Variants in MTUS2 observed in about 807,000 individuals in gnomAD.
MTUS2 encodes the protein microtubule-associated tumor suppressor candidate 2.
MTUS2 carries 40 observed loss-of-function variants against 114.1 expected under a neutral mutation model. The observed-to-expected ratio is 0.35, with a 90% confidence interval of 0.27 to 0.46. The LOEUF is 0.46. Ranked by LOEUF, MTUS2 falls within the 20% of genes least tolerant of loss-of-function variation. The pLI is 1.00. For missense variants in MTUS2, 1,679 were observed against 1,705.4 expected (o/e 0.98, Z 0.27); for synonymous variants, 688 against 672.0 (o/e 1.02, Z -0.37).
At chr13:29,098,354 A>G (rs1461699649) in intron 4 of MTUS2, among the ~76,000 whole-genome samples, 4 of 152,204 alleles carry the variant, frequency 2.6e-5, no homozygotes, top group South Asian at 2.1e-4. Flanking sequence ...AGACCATTAT[A>G]TAGTAACTTA....
At chr13:28,874,276 A>G (rs1442229108) in intron 2 of MTUS2, among the ~76,000 whole-genome samples, 2 of 152,214 alleles carry the variant, frequency 1.3e-5, no homozygotes, top group Non-Finnish European at 2.9e-5. Flanking sequence ...GCAGGATTAC[A>G]GGCATGAACC....
chr13:28,845,423 T>G (rs931592266), intron 2 of MTUS2, among the ~76,000 whole-genome samples: 6 of 152,104 alleles, frequency 3.9e-5, no homozygotes, highest in African/African-American at 1.2e-4. Flanking sequence ...TGAAGCCATT[T>G]GAAGCTTGTG....
intron 1 of MTUS2, among the ~76,000 whole-genome samples, chr13:28,824,119 G>A (rs1274503119): frequency 6.6e-6 from 1 of 152,200 alleles, no homozygotes; most frequent in Admixed American, 6.5e-5. Flanking sequence ...GGATCACCCA[G>A]CCTCACTTGC....
At chr13:29,273,440 A>G (rs980982444) in intron 5 of MTUS2, among the ~76,000 whole-genome samples, 1 of 152,188 alleles carries the variant, frequency 6.6e-6, no homozygotes, top group Non-Finnish European at 1.5e-5. Flanking sequence ...CTTCACCAGA[A>G]AAGAACACTA....
At chr13:29,087,833 C>A (rs753833328) in intron 4 of MTUS2, among the ~76,000 whole-genome samples, 2 of 152,038 alleles carry the variant, frequency 1.3e-5, no homozygotes, top group African/African-American at 4.8e-5. Flanking sequence ...CTGAGGCAGG[C>A]GGATCACAAG....
chr13:29,249,705 G>A (rs1412110280), intron 5 of MTUS2, among the ~76,000 whole-genome samples: 2 of 152,030 alleles, frequency 1.3e-5, no homozygotes, highest in African/African-American at 4.8e-5. Flanking sequence ...CAGAATATTA[G>A]ACCTTTGTCA....
At chr13:29,003,524 G>C (rs1403275960) in intron 2 of MTUS2, among the ~76,000 whole-genome samples, 1 of 152,166 alleles carries the variant, frequency 6.6e-6, no homozygotes, top group Admixed American at 6.5e-5. Context: ...TTCAAGTCCT[G>C]GTCTGGGCCA....
rs1593394444 is a variant in MTUS2 at position 29,025,795 on chromosome 13, G to A, written c.1097G>A (p.Ser366Asn). 1 of 1,614,022 alleles carries A rather than the reference G, an allele frequency of 6.2e-7. No homozygotes were observed. The highest frequency in any genetic ancestry group is 2.2e-5 in the East Asian group (1 of 44,882). Residue 366 changes from serine to asparagine, a missense_variant, in exon 3 of 16, where the codon AGT becomes AAT. By Grantham distance (46) the Ser-to-Asn change is conservative. Around this residue, in one of 3 missense-constraint regions of MTUS2, gnomAD observed 843 missense variants for 770.8 expected, o/e 1.09. Coordinates refer to ENST00000612955, the MANE Select transcript of MTUS2 (RefSeq NM_001033602.4). ...ATDALGHLLNSDLHHLGVGRG... is the reference protein window; with the variant it reads ...ATDALGHLLNNDLHHLGVGRG... ...GATGCACTTGGCCATCTGCTGAACA[G>A]TGACCTCCACCACCTTGGGGTGGGA... is the stretch of plus-strand genomic sequence containing the variant.
chr13:29,180,023 A>T (rs1893932151), intron 5 of MTUS2, among the ~76,000 whole-genome samples: 1 of 152,246 alleles, frequency 6.6e-6, no homozygotes, highest in Non-Finnish European at 1.5e-5. Context: ...AAGCTTTCTC[A>T]CTGCTAAATT....
At chr13:29,078,229 G>T (rs1039781644) in intron 4 of MTUS2, among the ~76,000 whole-genome samples, 1 of 152,060 alleles carries the variant, frequency 6.6e-6, no homozygotes, top group Non-Finnish European at 1.5e-5. Flanking sequence ...TTAGCTTCTG[G>T]ATTTATTTAA....
intron 2 of MTUS2, among the ~76,000 whole-genome samples, chr13:28,922,111 C>G (rs1289280077): frequency 1.3e-5 from 2 of 152,144 alleles, no homozygotes; most frequent in Non-Finnish European, 2.9e-5. Context: ...CTCATGAGAT[C>G]TGGTTGTTTA....
At chr13:29,009,993 C>G (rs1885766842) in intron 2 of MTUS2, among the ~76,000 whole-genome samples, 1 of 152,018 alleles carries the variant, frequency 6.6e-6, no homozygotes. Context: ...GGACAGATCA[C>G]AAAGTCAGGA....
chr13:29,193,192 C>G (rs1490631224), intron 5 of MTUS2, among the ~76,000 whole-genome samples: 1 of 152,096 alleles, frequency 6.6e-6, no homozygotes, highest in Non-Finnish European at 1.5e-5. Context: ...AGTGACCTCC[C>G]ACTTTCTGAC....
At chr13:29,046,379 G>A (rs1887620174) in intron 4 of MTUS2, among the ~76,000 whole-genome samples, 1 of 152,186 alleles carries the variant, frequency 6.6e-6, no homozygotes, top group Non-Finnish European at 1.5e-5. Context: ...GCCTCTCAAA[G>A]CGTTGGGATC....
chr13:29,477,679 G>A (rs962465347), intron 9 of MTUS2, among the ~76,000 whole-genome samples: 4 of 152,116 alleles, frequency 2.6e-5, no homozygotes, highest in African/African-American at 9.7e-5. Flanking sequence ...CAAAATGTCA[G>A]CTTCCTACCT....
At chr13:29,100,183 G>A (rs1014672785) in intron 4 of MTUS2, among the ~76,000 whole-genome samples, 7 of 152,164 alleles carry the variant, frequency 4.6e-5, no homozygotes, top group Admixed American at 3.3e-4. Flanking sequence ...TAGGACAAGG[G>A]CTTGAGGTTA....
chr13:29,269,912 A>T (rs1210363713), intron 5 of MTUS2, among the ~76,000 whole-genome samples: 1 of 152,194 alleles, frequency 6.6e-6, no homozygotes, highest in South Asian at 2.1e-4. Flanking sequence ...GACAACATAG[A>T]TGAATTTTGA....
chr13:29,284,401 T>A (rs115159427), intron 6 of MTUS2, among the ~76,000 whole-genome samples: 24,699 of 118,088 alleles, frequency 0.21, 2,046 homozygotes, highest in African/African-American at 0.25. Flanking sequence ...AAGCTATTTT[T>A]TAAAAAAAAA....
chr13:29,185,643 G>A (rs879581883), intron 5 of MTUS2, among the ~76,000 whole-genome samples: 3 of 152,146 alleles, frequency 2.0e-5, no homozygotes, highest in Non-Finnish European at 2.9e-5. Flanking sequence ...CATATTCAAA[G>A]TGCTCAAAGA....
Sources: gnomAD v4.1 joint callset for allele counts (sites outside exome capture counted in the v4.1 genomes callset) on GRCh38, gnomAD v4.1.1 for gene constraint, gnomAD v4.1.1 regional missense constraint, MANE v1.5 for transcripts, NCBI Gene and HGNC (gene_info 2026-07-23, HGNC 2026-07-21) for gene names.